Variants in ZP3 observed in about 807,000 individuals in gnomAD.
ZP3 encodes the protein zona pellucida sperm-binding protein 3.
Under a neutral mutation model 35.6 loss-of-function variants are expected in ZP3, and 21 were observed. That is an observed-to-expected ratio of 0.59 (90% CI 0.42 to 0.85). The LOEUF is 0.85. Among genes scored for constraint, ZP3 ranks in the 40% least tolerant of loss-of-function variants. The pLI is 0.00. For missense variants in ZP3, 437 were observed against 536.5 expected (o/e 0.81, Z 1.83); for synonymous variants, 207 against 214.5 (o/e 0.96, Z 0.31).
chr7:76,416,417 A>T (rs577815089), intron 1 of ZP3, among the ~76,000 whole-genome samples: 1 of 152,214 alleles, frequency 6.6e-6, no homozygotes, highest in Non-Finnish European at 1.5e-5. Context: ...GGACAGTGAG[A>T]CCCTGTCTCA....
chr7:76,416,925 CACAT>C (rs1329671053), intron 1 of ZP3, among the ~76,000 whole-genome samples: 1 of 128,822 alleles, frequency 7.8e-6, no homozygotes, highest in East Asian at 2.2e-4. Flanking sequence ...CATATATATA[CACAT>C]ACATATGTAT....
intron 1 of ZP3, among the ~76,000 whole-genome samples, chr7:76,426,898 ACACACACAC>A (rs1487463531): frequency 6.4e-4 from 90 of 141,166 alleles, no homozygotes; most frequent in African/African-American, 1.8e-3. Flanking sequence ...ACACACACAC[ACACACACAC>A]AATAGGGTGT....
Position 76,425,115 on chromosome 7 carries a change from C to G in ZP3, c.151C>G (p.Leu51Val). ...ACTGGTGGAGTGTCAGGAGGCCACT[C>G]TGATGGTCATGGTCAGCAAAGACCT... is the stretch of plus-strand genomic sequence containing the variant. ...PVLVECQEATLMVMVSKDLFG... is the reference protein window; with the variant it reads ...PVLVECQEATVMVMVSKDLFG... Residue 51 changes from leucine to valine, a missense_variant, in exon 1 of 8, where the codon CTG (leucine) becomes GTG (valine). By Grantham distance (32) the Leu-to-Val change is conservative. Around this residue, in one of 6 missense-constraint regions of ZP3, gnomAD observed 352 missense variants for 308.4 expected, o/e 1.14. Coordinates refer to ENST00000394857, the MANE Select transcript of ZP3 (RefSeq NM_001110354.2). 2 of 1,613,970 alleles carry G rather than the reference C, an allele frequency of 1.2e-6. No homozygotes were observed. Among genetic ancestry groups the G allele is most frequent in the Non-Finnish European group, 1.7e-6 (2 of 1,180,024 alleles).
intron 5 of ZP3, among the ~76,000 whole-genome samples, chr7:76,439,447 C>CTGT (rs1228182672): frequency 4.6e-5 from 7 of 151,444 alleles, no homozygotes; most frequent in African/African-American, 1.7e-4. Context: ...TAGCTGGCAC[C>CTGT]TGTAATCCCA....
chr7:76,422,152 C>A (rs918003668), upstream of ZP3, among the ~76,000 whole-genome samples: 1 of 152,020 alleles, frequency 6.6e-6, no homozygotes, highest in African/African-American at 2.4e-5. Flanking sequence ...CCACCTCGGC[C>A]TCCCAAAATG....
chr7:76,404,253 G>A (rs1804926209), intron 1 of ZP3: 1 of 1,485,718 alleles, frequency 6.7e-7, no homozygotes, highest in Non-Finnish European at 8.9e-7. Context: ...TTACAGCTGG[G>A]ACAACTGAGA....
rs752591121 is a variant in ZP3 at position 76,397,882 on chromosome 7, C to G, written c.-67+85C>G. The G allele has an allele frequency of 7.5e-5, 109 of 1,456,758 alleles. No individual in the cohort carries two copies. In the African/African-American group the frequency reaches 1.4e-3, roughly 19 times the overall value. 90.2% of individuals were successfully genotyped at this position (1,456,758 alleles called of 1,614,324 possible). A position where few individuals can be genotyped will look rare whatever the true frequency, so the allele number is the denominator to read the frequency against. ...GCGCATCTCCCACTGGCCTCTGCCC[C>G]CGTCCGCACCGCAAGGGCAGCCCGG... On this transcript the variant is annotated intron_variant, in intron 1 of 8. Transcript: ENST00000336517.
At chr7:76,423,021 GAGAGAGAAAGAA>G (rs1351207736), upstream of ZP3, among the ~76,000 whole-genome samples, 520 of 72,784 alleles carry the variant, frequency 7.1e-3, 3 homozygotes, top group Middle Eastern at 0.024. Context: ...GAGAGAGAGA[GAGAGAGAAAGAA>G]AGAAAGAAAG....
chr7:76,409,811 C>G (rs1229245866), intron 1 of ZP3: 4 of 144,330 alleles, frequency 2.8e-5, no homozygotes, highest in African/African-American at 7.5e-5. Flanking sequence ...TTCAGGAAGG[C>G]CTGGATAGGT....
upstream of ZP3, among the ~76,000 whole-genome samples, chr7:76,424,208 C>A (rs1805587601): frequency 6.6e-6 from 1 of 152,204 alleles, no homozygotes; most frequent in African/African-American, 2.4e-5. Flanking sequence ...GGGCTGCGAG[C>A]TTCCTAAGGG....
rs757253623 is a variant in ZP3, at chr7:76,433,680, C to T, written c.713+33C>T. On this transcript the variant is annotated intron_variant, in intron 4 of 7. Transcript: ENST00000394857. ...CTGGGCTCCCTGCCTAGAGAACCTT[C>T]CTAGCAAAATGACCCTAAAGCCACC... 3 of 1,565,754 alleles carry T rather than the reference C, an allele frequency of 1.9e-6. No individual in the cohort carries two copies. In the South Asian group the frequency reaches 3.5e-5, roughly 18 times the overall value.
chr7:76,426,652 C>A (rs566171769), intron 1 of ZP3, among the ~76,000 whole-genome samples: 7 of 152,132 alleles, frequency 4.6e-5, no homozygotes, highest in African/African-American at 1.7e-4. Context: ...CTGGCTCCCC[C>A]CCCTTCTGTG....
At chr7:76,410,055 A>T (rs1212005058) in intron 1 of ZP3, among the ~76,000 whole-genome samples, 3 of 151,104 alleles carry the variant, frequency 2.0e-5, no homozygotes, top group Non-Finnish European at 4.4e-5. Flanking sequence ...TTTCAGACAG[A>T]GTCTCTCTCT....
At chr7:76,416,968 ATAT>A (rs1805392009) in intron 1 of ZP3, among the ~76,000 whole-genome samples, 3 of 126,348 alleles carry the variant, frequency 2.4e-5, no homozygotes, top group African/African-American at 3.8e-5. Flanking sequence ...ATATATATAT[ATAT>A]ATAATTTGGC....
At chr7:76,404,219 C>G in intron 1 of ZP3, 2 of 1,443,320 alleles carry the variant, frequency 1.4e-6, no homozygotes, top group Non-Finnish European at 1.8e-6. Flanking sequence ...CGAGCTCATT[C>G]ACAACCCTCC....
chr7:76,418,550 C>CTAA (rs1805430426), intron 1 of ZP3, among the ~76,000 whole-genome samples: 1 of 30,040 alleles, frequency 3.3e-5, no homozygotes, highest in Non-Finnish European at 5.4e-5. Flanking sequence ...GATTTCATCT[C>CTAA]AAAAAAAAAA....
At chr7:76,421,269 T>C (rs143400362), upstream of ZP3, among the ~76,000 whole-genome samples, 1 of 152,098 alleles carries the variant, frequency 6.6e-6, no homozygotes, top group Non-Finnish European at 1.5e-5. Context: ...TCTCACTCTA[T>C]TGCCCAGGCT....
chr7:76,401,656 A>G (rs1804834064), intron 1 of ZP3, among the ~76,000 whole-genome samples: 1 of 152,162 alleles, frequency 6.6e-6, no homozygotes, highest in African/African-American at 2.4e-5. Context: ...ACCTCAGGTA[A>G]TCCACCCACT....
chr7:76,405,304 TATATATATA>T (rs1563686899), intron 1 of ZP3, among the ~76,000 whole-genome samples: 71 of 60,414 alleles, frequency 1.2e-3, no homozygotes, highest in African/African-American at 5.0e-3. Flanking sequence ...TATATATATA[TATATATATA>T]TATGTATTTT....
Sources: gnomAD v4.1 joint callset for allele counts (sites outside exome capture counted in the v4.1 genomes callset) on GRCh38, gnomAD v4.1.1 for gene constraint, gnomAD v4.1.1 regional missense constraint, MANE v1.5 for transcripts, NCBI Gene and HGNC (gene_info 2026-07-23, HGNC 2026-07-21) for gene names.